Variants in RANBP2 observed in about 807,000 individuals in gnomAD.
The protein encoded by RANBP2 is E3 SUMO-protein ligase RanBP2.
In RANBP2, 57 loss-of-function variants were observed where a neutral mutation model predicts 303.6. The observed-to-expected ratio is 0.19, with a 90% CI of 0.15 to 0.23. The LOEUF (loss-of-function observed/expected upper bound fraction) is 0.23, where lower values mean the gene tolerates loss of function less well. RANBP2 is among the 10% of genes least tolerant of loss of function. The probability of loss-of-function intolerance (pLI) is 1.00; values close to 1 mark genes in which losing one functional copy is unlikely to be tolerated. For missense variants in RANBP2, 3,138 were observed against 3,780.8 expected, an observed-to-expected ratio of 0.83 and a Z score of 4.46; for synonymous variants, 1,167 against 1,301.5, an observed-to-expected ratio of 0.90 and a Z score of 2.23.
the RANBP2 span, among the ~76,000 whole-genome samples, chr2:109,136,840 C>T: frequency 6.6e-6 from 1 of 152,288 alleles, no homozygotes; most frequent in Non-Finnish European, 1.5e-5. Flanking sequence ...AGCATGCTTG[C>T]ACCGGGGCAC....
At chr2:108,904,199 GA>G in the RANBP2 span, among the ~76,000 whole-genome samples, 5 of 151,938 alleles carry the variant, frequency 3.3e-5, no homozygotes, top group African/African-American at 9.7e-5. Context: ...ACACACAGAT[GA>G]AAAAAACACA....
the RANBP2 span, among the ~76,000 whole-genome samples, chr2:109,684,627 G>A: frequency 1.4e-5 from 2 of 146,780 alleles, no homozygotes; most frequent in African/African-American, 2.5e-5. Context: ...TCTGTCTCCC[G>A]GGTTCCAGTG....
the RANBP2 span, among the ~76,000 whole-genome samples, chr2:109,763,482 A>G: frequency 2.0e-5 from 3 of 150,308 alleles, 1 homozygote; most frequent in Non-Finnish European, 4.4e-5. Context: ...AGTACTTCAC[A>G]TATCTCTCAG....
chr2:108,919,855 C>A, the RANBP2 span, among the ~76,000 whole-genome samples: 10,600 of 152,292 alleles, frequency 0.07, 449 homozygotes, highest in South Asian at 0.12. Context: ...ACCCTGAGTG[C>A]GTAGCTGACT....
At chr2:108,978,547 G>C in the RANBP2 span, among the ~76,000 whole-genome samples, 1 of 152,216 alleles carries the variant, frequency 6.6e-6, no homozygotes, top group African/African-American at 2.4e-5. Context: ...TCCCAAGGAG[G>C]CTGAGGTTCA....
the RANBP2 span, among the ~76,000 whole-genome samples, chr2:109,125,402 T>TC: frequency 6.6e-6 from 1 of 152,224 alleles, no homozygotes; most frequent in Admixed American, 6.5e-5. Context: ...CATACAGCCG[T>TC]CCAGTCCTGT....
chr2:108,957,964 G>C, the RANBP2 span, among the ~76,000 whole-genome samples: 1 of 152,090 alleles, frequency 6.6e-6, no homozygotes, highest in African/African-American at 2.4e-5. Context: ...TGCAGAAAAT[G>C]AACTACCAGC....
the RANBP2 span, among the ~76,000 whole-genome samples, chr2:109,681,403 T>C: frequency 7.2e-5 from 11 of 152,210 alleles, no homozygotes; most frequent in Non-Finnish European, 1.2e-4. Context: ...AAATTTACAT[T>C]ACATTTCAGT....
At chr2:109,291,365 T>C in the RANBP2 span, among the ~76,000 whole-genome samples, 6 of 151,944 alleles carry the variant, frequency 3.9e-5, no homozygotes, top group South Asian at 2.1e-4. Context: ...TTGCTTTTGG[T>C]TGGACCAGGC....
chr2:109,489,885 GT>G, the RANBP2 span, among the ~76,000 whole-genome samples: 1 of 152,240 alleles, frequency 6.6e-6, no homozygotes, highest in East Asian at 1.9e-4. Context: ...TTACAGGCAA[GT>G]GCCACCACAC....
the RANBP2 span, among the ~76,000 whole-genome samples, chr2:109,725,068 C>T: frequency 6.6e-6 from 1 of 152,314 alleles, no homozygotes; most frequent in East Asian, 1.9e-4. Flanking sequence ...TAACTACTTG[C>T]TGAGTGGCCA....
the RANBP2 span, among the ~76,000 whole-genome samples, chr2:109,298,915 C>G: frequency 1.4e-4 from 21 of 152,326 alleles, no homozygotes; most frequent in South Asian, 1.7e-3. Context: ...GTCCTCAACT[C>G]AGAATTCCCC....
chr2:108,968,954 C>T, the RANBP2 span, among the ~76,000 whole-genome samples: 3,540 of 152,312 alleles, frequency 0.023, 99 homozygotes, highest in African/African-American at 0.065. Flanking sequence ...GACTTCACTG[C>T]TCTGTGGGAC....
chr2:109,072,436 A>T, the RANBP2 span, among the ~76,000 whole-genome samples: 1 of 152,162 alleles, frequency 6.6e-6, no homozygotes, highest in East Asian at 1.9e-4. Context: ...CATCTGGTTG[A>T]CCACATGCTT....
chr2:108,768,736 A>G (rs1201425062), intron 20 of RANBP2, among the ~76,000 whole-genome samples: 1 of 152,120 alleles, frequency 6.6e-6, no homozygotes, highest in Non-Finnish European at 1.5e-5. Flanking sequence ...TGTCACTCAG[A>G]AAACATGATA....
At chr2:108,774,226 A>G (rs1172050883) in intron 23 of RANBP2, among the ~76,000 whole-genome samples, 1 of 152,140 alleles carries the variant, frequency 6.6e-6, no homozygotes, top group African/African-American at 2.4e-5. Flanking sequence ...ATTTGCATAA[A>G]TCTTGTTATA....
At chr2:108,843,894 T>G in the RANBP2 span, among the ~76,000 whole-genome samples, 13 of 138,710 alleles carry the variant, frequency 9.4e-5, no homozygotes, top group South Asian at 3.1e-3. Context: ...TTCTTTTTTT[T>G]TTTTTTTTTT....
the RANBP2 span, among the ~76,000 whole-genome samples, chr2:109,108,038 TG>T: frequency 1.3e-5 from 2 of 152,240 alleles, no homozygotes; most frequent in African/African-American, 4.8e-5. Flanking sequence ...CCTGAGTAGC[TG>T]GGACTACAGG....
At chr2:109,034,374 A>T in the RANBP2 span, among the ~76,000 whole-genome samples, 1 of 152,092 alleles carries the variant, frequency 6.6e-6, no homozygotes, top group Non-Finnish European at 1.5e-5. Context: ...TATTGGGTCA[A>T]TTTCAGTGGG....
Sources: allele counts gnomAD v4.1 joint callset (sites outside exome capture counted in the v4.1 genomes callset), GRCh38; gene constraint gnomAD v4.1.1; transcripts MANE v1.5; gene names NCBI Gene and HGNC (gene_info 2026-07-23, HGNC 2026-07-21).